RABGAP1L: variants seen among roughly 807,000 people sequenced by gnomAD.
The protein encoded by RABGAP1L is RAB GTPase activating protein 1 like, also known as rab GTPase-activating protein 1-like.
A neutral mutation model predicts 137.7 loss-of-function variants in RABGAP1L; 63 were observed. The observed-to-expected ratio is 0.46, with a 90% confidence interval of 0.37 to 0.56. The LOEUF is 0.56. Ranked by LOEUF, RABGAP1L falls within the 20% of genes least tolerant of loss-of-function variation. RABGAP1L has a pLI of 0.00. For synonymous variants in RABGAP1L, 431 were observed against 433.7 expected (o/e 0.99, Z 0.08); for missense variants, 1,095 against 1,244.0 (o/e 0.88, Z 1.80).
intron 1 of RABGAP1L, among the ~76,000 whole-genome samples, chr1:174,207,013 A>G (rs1021722317): frequency 6.6e-6 from 1 of 152,122 alleles, no homozygotes; most frequent in African/African-American, 2.4e-5. Flanking sequence ...TTAGAAGGGG[A>G]TGGATAGAAG....
chr1:174,422,296 C>G (rs1252015558), intron 13 of RABGAP1L, among the ~76,000 whole-genome samples: 1 of 151,886 alleles, frequency 6.6e-6, no homozygotes, highest in East Asian at 1.9e-4. Flanking sequence ...ACCAGAAAAT[C>G]TTCTCTGCCT....
chr1:174,933,323 T>C (rs1664177385), intron 19 of RABGAP1L, among the ~76,000 whole-genome samples: 1 of 152,082 alleles, frequency 6.6e-6, no homozygotes, highest in African/African-American at 2.4e-5. Context: ...GCATGCCAGA[T>C]TGCACCCTTC....
intron 1 of RABGAP1L, among the ~76,000 whole-genome samples, chr1:174,207,727 C>T (rs1668601579): frequency 6.6e-6 from 1 of 152,140 alleles, no homozygotes; most frequent in Non-Finnish European, 1.5e-5. Flanking sequence ...TGCCCATGTG[C>T]AGATAGGTCT....
chr1:174,486,556 C>T (rs910109641), intron 13 of RABGAP1L, among the ~76,000 whole-genome samples: 10 of 151,988 alleles, frequency 6.6e-5, no homozygotes, highest in Admixed American at 6.6e-4. Context: ...CTGTGTTCAC[C>T]AGGATGGTCT....
chr1:174,286,368 A>G (rs539331253), intron 10 of RABGAP1L, among the ~76,000 whole-genome samples: 4 of 152,140 alleles, frequency 2.6e-5, no homozygotes, highest in African/African-American at 9.7e-5. Context: ...TGTTCATAAT[A>G]GTCTCTTATG....
At chr1:174,327,994 T>TATATATATATATATATATACAC (rs1680663945) in intron 11 of RABGAP1L, among the ~76,000 whole-genome samples, 1 of 77,418 alleles carries the variant, frequency 1.3e-5, no homozygotes, top group East Asian at 3.5e-4. Flanking sequence ...CACATATATA[T>TATATATATATATATATATACAC]ATATATATAT....
At chr1:174,478,135 G>C (rs544421617) in intron 13 of RABGAP1L, among the ~76,000 whole-genome samples, 1 of 152,046 alleles carries the variant, frequency 6.6e-6, no homozygotes, top group Non-Finnish European at 1.5e-5. Flanking sequence ...TCCCCGTCTA[G>C]TTTTCAAGTA....
At chr1:174,800,635 G>C in intron 18 of RABGAP1L, 2 of 1,330,216 alleles carry the variant, frequency 1.5e-6, no homozygotes, top group Non-Finnish European at 2.0e-6. Context: ...AGGAAATGCT[G>C]AGTGGCCACT....
At chr1:174,606,653 G>A (rs747630574) in intron 13 of RABGAP1L, among the ~76,000 whole-genome samples, 8 of 152,036 alleles carry the variant, frequency 5.3e-5, no homozygotes, top group Non-Finnish European at 1.0e-4. Flanking sequence ...AGACCAGTCT[G>A]GTATATCTTA....
At chr1:174,975,780 A>G (rs537581005) in intron 21 of RABGAP1L, among the ~76,000 whole-genome samples, 2 of 152,306 alleles carry the variant, frequency 1.3e-5, no homozygotes, top group South Asian at 4.2e-4. Flanking sequence ...CTGAATTCAG[A>G]TCATGACTCT....
chr1:174,506,944 A>G (rs761308143), intron 13 of RABGAP1L, among the ~76,000 whole-genome samples: 1 of 151,790 alleles, frequency 6.6e-6, no homozygotes, highest in Non-Finnish European at 1.5e-5. Context: ...CCTCATCTCT[A>G]CAAAAAAAAT....
At chr1:174,614,354 AT>A (rs1671579881) in intron 13 of RABGAP1L, among the ~76,000 whole-genome samples, 1 of 152,110 alleles carries the variant, frequency 6.6e-6, no homozygotes, top group Admixed American at 6.5e-5. Flanking sequence ...TGGGTTGAAA[AT>A]TCTTTTCTTT....
intron 17 of RABGAP1L, chr1:174,705,632 G>A (rs1228324965): frequency 6.6e-6 from 1 of 152,102 alleles, no homozygotes; most frequent in Non-Finnish European, 1.5e-5. Context: ...TTGCTTTTCA[G>A]AATAATCTAT....
At position 174,369,495 on chromosome 1, in the gene RABGAP1L, T is replaced by G. The variant is rs186129669; in HGVS notation, c.1466-1484T>G. Among the ~76,000 whole-genome samples, 196 of 152,316 alleles carry G rather than the reference T, an allele frequency of 1.3e-3. 1 individual carries two copies. Among genetic ancestry groups the G allele is most frequent in the African/African-American group, 4.6e-3 (192 of 41,572 alleles). ...CACTGCACTTGACCAAGAATAATTT[T>G]TAATAGTCCTCTTTCACTATAAAAA... On this transcript the variant is annotated intron_variant, in intron 11 of 25. Transcript: ENST00000681986.
At chr1:174,879,589 G>A (rs1249562764) in intron 19 of RABGAP1L, among the ~76,000 whole-genome samples, 2 of 152,086 alleles carry the variant, frequency 1.3e-5, no homozygotes, top group East Asian at 1.9e-4. Flanking sequence ...AGTTTTGGAT[G>A]AAATGTCTGC....
At chr1:174,323,669 G>T (rs979683998) in intron 11 of RABGAP1L, among the ~76,000 whole-genome samples, 3 of 152,166 alleles carry the variant, frequency 2.0e-5, no homozygotes, top group Middle Eastern at 3.4e-3. Flanking sequence ...AAATAAACTA[G>T]TATGTTATCA....
At chr1:174,564,905 AAATAC>A (rs1294754244) in intron 13 of RABGAP1L, among the ~76,000 whole-genome samples, 1 of 152,030 alleles carries the variant, frequency 6.6e-6, no homozygotes, top group Non-Finnish European at 1.5e-5. Context: ...TCTAGTTCCC[AAATAC>A]AATACAACTC....
Position 174,678,631 on chromosome 1 carries a change from G to T in RABGAP1L, c.1825-4891G>T, listed in dbSNP as rs554253341. ...ATCATTATGTTACTGGTGGGTATTTGTTCTTAGAGTTCCCAAGATGGTGGC... is the reference window on the plus strand; with the variant it reads ...ATCATTATGTTACTGGTGGGTATTTTTTCTTAGAGTTCCCAAGATGGTGGC... On this transcript the variant is annotated intron_variant, in intron 14 of 25. Transcript: ENST00000681986. Among the ~76,000 whole-genome samples, 3 of 152,304 alleles carry T rather than the reference G, an allele frequency of 2.0e-5. No individual in the cohort carries two copies. In the South Asian group the frequency reaches 6.2e-4, roughly 32 times the overall value.
chr1:174,255,856 G>C (rs2064149), intron 7 of RABGAP1L, among the ~76,000 whole-genome samples: 87,193 of 152,076 alleles, frequency 0.57, 27,396 homozygotes, highest in African/African-American at 0.85. Flanking sequence ...CCTGCTACTC[G>C]CTATACACAC....
Sources: gnomAD v4.1 joint callset for allele counts (sites outside exome capture counted in the v4.1 genomes callset) on GRCh38, gnomAD v4.1.1 for gene constraint, MANE v1.5 for transcripts, NCBI Gene and HGNC (gene_info 2026-07-23, HGNC 2026-07-21) for gene names.